TMTC4: variants seen among roughly 807,000 people sequenced by gnomAD.
TMTC4 encodes the protein protein O-mannosyl-transferase TMTC4.
A neutral mutation model predicts 86.0 loss-of-function variants in TMTC4; 65 were observed. The observed-to-expected ratio is 0.76, with a 90% CI of 0.62 to 0.93. The LOEUF (loss-of-function observed/expected upper bound fraction) is 0.93. TMTC4 is among the 40% of genes least tolerant of loss of function. TMTC4 has a pLI of 0.00. For synonymous variants in TMTC4, 379 were observed against 382.5 expected (o/e 0.99, Z 0.11); for missense variants, 866 against 948.1 (o/e 0.91, Z 1.14).
chr13:100,655,976 C>T (rs943902377), intron 6 of TMTC4, among the ~76,000 whole-genome samples: 4 of 152,192 alleles, frequency 2.6e-5, no homozygotes, highest in African/African-American at 9.7e-5. Flanking sequence ...TGAAAAATCT[C>T]CCTGGCTCTT....
upstream of TMTC4, chr13:100,674,973 A>G (rs528126225): frequency 2.1e-3 from 2,093 of 985,426 alleles, 14 homozygotes; most frequent in South Asian, 0.017. Context: ...TTCAGGCCAC[A>G]GCCAAGTCCC....
At chr13:100,670,222 TG>T in intron 2 of TMTC4, 137 bp downstream of exon 2, 1 of 891,832 alleles carries the variant, frequency 1.1e-6, no homozygotes, top group Non-Finnish European at 1.7e-6. Context: ...TATTTGTTTC[TG>T]GATCTCTAAG....
chr13:100,633,499 C>T (rs1182174210), intron 12 of TMTC4, among the ~76,000 whole-genome samples: 1 of 152,076 alleles, frequency 6.6e-6, no homozygotes, highest in African/African-American at 2.4e-5. Flanking sequence ...AGAGGCACAG[C>T]TAGTCAAGTG....
At chr13:100,666,855 T>C (rs1466605699) in intron 3 of TMTC4, among the ~76,000 whole-genome samples, 1 of 152,108 alleles carries the variant, frequency 6.6e-6, no homozygotes. Flanking sequence ...CTGGGAGTGG[T>C]GGCGCATGAC....
intron 3 of TMTC4, 28 bp downstream of exon 3, chr13:100,668,551 T>C: frequency 6.2e-7 from 1 of 1,605,800 alleles, no homozygotes. Context: ...GGCAGTTAAG[T>C]TTACCAGAAA....
At chr13:100,639,953 A>C (rs1402894873) in intron 7 of TMTC4, among the ~76,000 whole-genome samples, 2 of 151,804 alleles carry the variant, frequency 1.3e-5, no homozygotes, top group African/African-American at 4.8e-5. Flanking sequence ...AAAAATAAAA[A>C]TAAAATAAAA....
intron 17 of TMTC4, among the ~76,000 whole-genome samples, chr13:100,611,570 G>T (rs1248404973): frequency 1.3e-5 from 2 of 152,172 alleles, no homozygotes; most frequent in Non-Finnish European, 2.9e-5. Context: ...GGGCGAAAGA[G>T]CGAGACTCCG....
chr13:100,657,814 G>T (rs1310352077), intron 5 of TMTC4, among the ~76,000 whole-genome samples: 1 of 152,208 alleles, frequency 6.6e-6, no homozygotes, highest in Non-Finnish European at 1.5e-5. Flanking sequence ...GTCAATAGCT[G>T]AAACAGGATG....
At chr13:100,671,203 T>C (rs771379894) in intron 1 of TMTC4, among the ~76,000 whole-genome samples, 5 of 152,214 alleles carry the variant, frequency 3.3e-5, no homozygotes, top group Non-Finnish European at 7.3e-5. Context: ...CTTGCTATGT[T>C]GCCCAGACTA....
At chr13:100,674,178 GGGCCGGT>G in intron 1 of TMTC4, 1 of 972,120 alleles carries the variant, frequency 1.0e-6, no homozygotes, top group East Asian at 1.2e-4. Context: ...CCGGGCGCCC[GGGCCGGT>G]GGCCCCGCGC....
intron 12 of TMTC4, among the ~76,000 whole-genome samples, chr13:100,629,359 C>T: frequency 6.6e-6 from 1 of 152,034 alleles, no homozygotes; most frequent in Admixed American, 6.5e-5. Context: ...CCTTGAGTGG[C>T]ACCCACCAGC....
intron 16 of TMTC4, among the ~76,000 whole-genome samples, chr13:100,613,815 T>TCCCTCCCCCTCTCCCC (rs1878018810): frequency 2.5e-5 from 1 of 40,282 alleles, no homozygotes; most frequent in Non-Finnish European, 4.6e-5. Flanking sequence ...CCTTCCTCCC[T>TCCCTCCCCCTCTCCCC]CCCTCCCCCT....
chr13:100,654,969 C>G (rs1884897068), intron 6 of TMTC4, among the ~76,000 whole-genome samples: 1 of 150,972 alleles, frequency 6.6e-6, no homozygotes, highest in East Asian at 1.9e-4. Flanking sequence ...AATAAAATGG[C>G]ACTTTCAGAA....
rs533128328 is a variant in TMTC4 at position 100,604,862 on chromosome 13, CTT to C, written c.*130_*131del. The stretch of plus-strand genomic sequence containing the variant: ...CTGGTGCTATAATCTTTTTGCATGT[CTT>C]TGTTTTCATAGAAAAAAATCAGTAA... On this transcript the variant is annotated 3_prime_UTR_variant, in exon 19 of 19. Coordinates refer to ENST00000342624, the MANE Select transcript of TMTC4 (RefSeq NM_032813.5). 16 of 1,057,728 alleles carry C rather than the reference CTT, an allele frequency of 1.5e-5. No individual in the cohort carries two copies. The South Asian group carries it at 4.0e-4, about 26-fold the overall frequency. The allele number at this position is 1,057,728 out of a possible 1,614,324, so 65.5% of individuals were successfully genotyped here.
intron 15 of TMTC4, chr13:100,625,226 C>T (rs1594268284): frequency 3.1e-6 from 1 of 324,234 alleles, no homozygotes; most frequent in Admixed American, 4.3e-5. Context: ...TGATGTTTAT[C>T]AGGAAGTTAC....
chr13:100,635,139 A>G lies in TMTC4; in HGVS notation c.1259T>C (p.Leu420Pro), dbSNP rs755082925. The G allele has an allele frequency of 1.2e-6, 2 of 1,613,842 alleles. No homozygotes were observed. The highest frequency in any genetic ancestry group is 1.7e-6 in the Non-Finnish European group (2 of 1,179,934). ...GACCACGAAGCCCACTCGGAAGAAC[A>G]GGTTACTCGCGGGGAGAAATGGGAT... The part of the protein sequence containing the change: ...LVIPFLPASN[L>P]FFRVGFVVAE... Residue 420 changes from leucine to proline, a missense_variant, in exon 11 of 19, where the codon CTG (leucine) becomes CCG (proline). Physicochemically the swap from Leu to Pro is moderately conservative, Grantham distance 98. Coordinates refer to ENST00000342624, the MANE Select transcript of TMTC4 (RefSeq NM_032813.5).
chr13:100,641,472 CTT>C (rs1882995436), intron 7 of TMTC4, among the ~76,000 whole-genome samples: 1 of 151,676 alleles, frequency 6.6e-6, no homozygotes, highest in Admixed American at 6.6e-5. Context: ...GTTCCTTCAT[CTT>C]TTCCTTCTTT....
chr13:100,634,947 G>A lies in TMTC4; in HGVS notation c.1375-11C>T. 1 of 1,613,414 alleles carries A rather than the reference G, an allele frequency of 6.2e-7. No individual in the cohort carries two copies. Among genetic ancestry groups the A allele is most frequent in the South Asian group, 1.1e-5 (1 of 90,942 alleles). ...AGCGGCAATGAGTTTCTTAAGAACA[G>A]AAAGACATGGTAATTGTCACCAGTG... On this transcript the variant is annotated splice_polypyrimidine_tract_variant and intron_variant, in intron 11 of 18. Coordinates refer to ENST00000342624, the MANE Select transcript of TMTC4 (RefSeq NM_032813.5).
At chr13:100,623,668 CAGA>C (rs1879941592) in intron 15 of TMTC4, among the ~76,000 whole-genome samples, 1 of 42,490 alleles carries the variant, frequency 2.4e-5, no homozygotes, top group South Asian at 8.9e-4. Context: ...TTTTTTTTTG[CAGA>C]AGGAGAAGGA....
Sources: gnomAD v4.1 joint callset for allele counts (sites outside exome capture counted in the v4.1 genomes callset) on GRCh38, gnomAD v4.1.1 for gene constraint, MANE v1.5 for transcripts, NCBI Gene and HGNC (gene_info 2026-07-23, HGNC 2026-07-21) for gene names.